The following FHIT variants were observed in gnomAD, a reference collection of about 807,000 sequenced individuals.
FHIT encodes the protein bis(5'-adenosyl)-triphosphatase.
A neutral mutation model predicts 17.9 loss-of-function variants in FHIT; 19 were observed. That is an observed-to-expected ratio of 1.06 (90% confidence interval 0.74 to 1.56). FHIT has a LOEUF of 1.56. Ranked by LOEUF, FHIT falls within the 40% of genes most tolerant of loss-of-function variation. The pLI, the probability that FHIT is intolerant of heterozygous loss-of-function variation, is 0.00. For missense variants in FHIT, 248 were observed against 189.2 expected, an observed-to-expected ratio of 1.31 and a Z score of -1.82; for synonymous variants, 81 against 69.7, an observed-to-expected ratio of 1.16 and a Z score of -0.81.
At chr3:61,215,213 G>A (rs1250361402) in intron 1 of FHIT, among the ~76,000 whole-genome samples, 1 of 151,998 alleles carries the variant, frequency 6.6e-6, no homozygotes. Flanking sequence ...AGAGGAAGTG[G>A]ACAAATTGTC....
At chr3:60,950,573 G>A (rs1413995017) in intron 3 of FHIT, among the ~76,000 whole-genome samples, 2 of 151,288 alleles carry the variant, frequency 1.3e-5, no homozygotes, top group East Asian at 3.9e-4. Context: ...CTGGACTGCA[G>A]TGGCACGATC....
chr3:61,247,825 C>T (rs1274944096), intron 1 of FHIT, among the ~76,000 whole-genome samples: 1 of 152,188 alleles, frequency 6.6e-6, no homozygotes, highest in Non-Finnish European at 1.5e-5. Flanking sequence ...AAGAGCCTGA[C>T]AACATGCTCA....
At chr3:60,491,275 G>T (rs1256877293) in intron 5 of FHIT, among the ~76,000 whole-genome samples, 3 of 152,048 alleles carry the variant, frequency 2.0e-5, no homozygotes, top group Non-Finnish European at 4.4e-5. Flanking sequence ...AACCGATGTA[G>T]TTTCTCTCTC....
At chr3:60,484,429 G>A (rs577115837) in intron 5 of FHIT, among the ~76,000 whole-genome samples, 4 of 152,086 alleles carry the variant, frequency 2.6e-5, no homozygotes, top group Admixed American at 2.0e-4. Context: ...ATACTACAAG[G>A]CTACAGTAAC....
At chr3:61,035,032 A>C (rs2033175700) in intron 3 of FHIT, among the ~76,000 whole-genome samples, 1 of 152,220 alleles carries the variant, frequency 6.6e-6, no homozygotes, top group African/African-American at 2.4e-5. Context: ...AGTGAAAGAA[A>C]CAAGACACAA....
rs925712372 is a variant in FHIT, at chr3:60,047,310, C to T, written c.104-33158G>A. Among the ~76,000 whole-genome samples, 6 of 152,332 alleles carry T rather than the reference C, an allele frequency of 3.9e-5. No homozygotes were observed. In the East Asian group the frequency reaches 9.6e-4, roughly 24 times the overall value. On this transcript the variant is annotated intron_variant, in intron 5 of 9. Coordinates refer to ENST00000492590, the MANE Select transcript of FHIT (RefSeq NM_002012.4). ...GTGGTCACACACAGTGCTATAGAGG[C>T]GGTTGTTCTTTCTTGTGCCTGTAAC...
At chr3:60,237,300 A>T in intron 5 of FHIT, among the ~76,000 whole-genome samples, 1 of 136,878 alleles carries the variant, frequency 7.3e-6, no homozygotes, top group Non-Finnish European at 1.5e-5. Context: ...TGATGATAGC[A>T]CCTATTTCCT....
At chr3:60,568,619 AAAAAG>A (rs1004143051) in intron 4 of FHIT, among the ~76,000 whole-genome samples, 7 of 152,150 alleles carry the variant, frequency 4.6e-5, no homozygotes, top group African/African-American at 1.2e-4. Flanking sequence ...AAAATTAAAA[AAAAAG>A]AAAAGAAAAC....
rs373031432 is a variant in FHIT at position 60,736,302 on chromosome 3, A to T, written c.-18+85617T>A. Among the ~76,000 whole-genome samples the T allele has an allele frequency of 2.4e-4, 37 of 152,338 alleles. No individual in the cohort carries two copies. In the South Asian group the frequency reaches 6.2e-3, roughly 26 times the overall value. Reference sequence around the variant, plus strand: ...TACTCCTAGGTATATACCTCTGAGGAAATAAATATACAAGTACACACACAC... The same window carrying T: ...TACTCCTAGGTATATACCTCTGAGGTAATAAATATACAAGTACACACACAC... On this transcript the variant is annotated intron_variant, in intron 4 of 9. Transcript: ENST00000492590.
intron 5 of FHIT, among the ~76,000 whole-genome samples, chr3:60,273,772 A>T (rs965247830): frequency 3.9e-5 from 6 of 152,174 alleles, no homozygotes; most frequent in African/African-American, 1.4e-4. Flanking sequence ...TTTAACGTGA[A>T]AACACTATTT....
chr3:59,901,821 C>T (rs1298976819), intron 8 of FHIT, among the ~76,000 whole-genome samples: 1 of 152,126 alleles, frequency 6.6e-6, no homozygotes, highest in Non-Finnish European at 1.5e-5. Context: ...CACACAAACA[C>T]TTGTAATATT....
chr3:60,193,947 G>A (rs530700638), intron 5 of FHIT, among the ~76,000 whole-genome samples: 5 of 152,088 alleles, frequency 3.3e-5, no homozygotes, highest in East Asian at 1.9e-4. Context: ...TATCATAGAC[G>A]ACACAAATGT....
intron 1 of FHIT, among the ~76,000 whole-genome samples, chr3:61,204,294 T>G (rs770962492): frequency 6.6e-6 from 1 of 152,156 alleles, no homozygotes; most frequent in Non-Finnish European, 1.5e-5. Context: ...TTCTGGAATA[T>G]GGTAATGATC....
intron 6 of FHIT, among the ~76,000 whole-genome samples, chr3:60,012,266 G>GTTTTTTTTTT (rs769497004): frequency 1.8e-5 from 2 of 112,482 alleles, no homozygotes; most frequent in Admixed American, 9.6e-5. Flanking sequence ...TTTTTTTGTT[G>GTTTTTTTTTT]TTTTTTTTTT....
chr3:61,188,629 A>G (rs564694858), intron 2 of FHIT, among the ~76,000 whole-genome samples: 1 of 152,284 alleles, frequency 6.6e-6, no homozygotes, highest in East Asian at 1.9e-4. Flanking sequence ...GACACAACAA[A>G]AAAAGAGAAT....
rs140675089 is a variant in FHIT at position 59,944,174 on chromosome 3, A to C, written c.280-21760T>G. ...TAGTGTACTCTTCATCTAGTTTCTC[A>C]AAGTACTATGCTGACATAGTTTATA... On this transcript the variant is annotated intron_variant, in intron 7 of 9. Coordinates refer to ENST00000492590, the MANE Select transcript of FHIT (RefSeq NM_002012.4). 4.8e-3 allele frequency among the ~76,000 whole-genome samples: 736 copies of C among 152,328 alleles called. 2 individuals carry two copies. Among genetic ancestry groups the C allele is most frequent in the African/African-American group, 0.016 (680 of 41,572 alleles).
intron 4 of FHIT, among the ~76,000 whole-genome samples, chr3:60,555,585 T>G (rs2036713559): frequency 2.6e-5 from 4 of 152,122 alleles, no homozygotes; most frequent in Admixed American, 2.0e-4. Context: ...CAATGGCAGT[T>G]TTCTCTTCAT....
intron 5 of FHIT, among the ~76,000 whole-genome samples, chr3:60,238,439 G>A (rs1288342536): frequency 2.9e-5 from 2 of 68,684 alleles, no homozygotes; most frequent in Non-Finnish European, 5.4e-5. Context: ...TCAACTAGCT[G>A]TACTAAGCAA....
At position 60,652,206 on chromosome 3, in the gene FHIT, C is replaced by A. The variant is rs184162500; in HGVS notation, c.-17-115227G>T. On this transcript the variant is annotated intron_variant, in intron 4 of 9. Transcript: ENST00000492590. ...CAGGCTGAATATGTAACATTGACCA[C>A]CCTTCCTCCTGGCTCTCCATGTGGA... Among the ~76,000 whole-genome samples, 5 of 152,300 alleles carry A rather than the reference C, an allele frequency of 3.3e-5. No individual in the cohort carries two copies. In the East Asian group the frequency reaches 7.7e-4, roughly 24 times the overall value.
Sources: allele counts gnomAD v4.1 joint callset (sites outside exome capture counted in the v4.1 genomes callset), GRCh38; gene constraint gnomAD v4.1.1; transcripts MANE v1.5; gene names NCBI Gene and HGNC (gene_info 2026-07-23, HGNC 2026-07-21).